Variants in ADCK1 observed in about 807,000 individuals in gnomAD.
ADCK1 encodes aarF domain containing kinase 1.
Under a neutral mutation model 52.3 loss-of-function variants are expected in ADCK1, and 41 were observed. The observed-to-expected ratio is 0.78, with a 90% CI of 0.61 to 1.02. The LOEUF (loss-of-function observed/expected upper bound fraction) is 1.02. ADCK1 is among the 50% of genes least tolerant of loss of function. ADCK1 has a pLI of 0.00. For missense variants in ADCK1, 658 were observed against 679.5 expected (o/e 0.97, Z 0.35); for synonymous variants, 250 against 274.6 (o/e 0.91, Z 0.89).
intron 7 of ADCK1, among the ~76,000 whole-genome samples, chr14:77,916,448 CTTCT>C (rs781601258): frequency 1.3e-5 from 2 of 152,044 alleles, no homozygotes; most frequent in South Asian, 2.1e-4. Flanking sequence ...CTCAGCATCT[CTTCT>C]TTCTATTTAT....
At chr14:77,877,172 G>A (rs1424256161) in intron 4 of ADCK1, among the ~76,000 whole-genome samples, 1 of 152,206 alleles carries the variant, frequency 6.6e-6, no homozygotes, top group East Asian at 1.9e-4. Flanking sequence ...CTGAGATCAT[G>A]CCACTGCACT....
Position 77,822,457 on chromosome 14 carries a change from A to G in ADCK1, c.158A>G (p.Tyr53Cys), listed in dbSNP as rs2140038560. ...CAGACGGCTGTCATCAGTTACGACT[A>G]CCTCACTTCCCTGAAGAGTGTCCCT... ...VATTAVISYDYLTSLKSVPYG... is the reference protein window; with the variant it reads ...VATTAVISYDCLTSLKSVPYG... The change falls in exon 3 of 11, where the codon TAC (tyrosine) becomes TGC (cysteine). Residue 53 changes from tyrosine to cysteine, a missense_variant. Tyr to Cys is a radical substitution (Grantham distance 194). Transcript: ENST00000238561. The G allele has an allele frequency of 6.2e-7, 1 of 1,614,098 alleles. No homozygotes were observed. Among genetic ancestry groups the G allele is most frequent in the East Asian group, 2.2e-5 (1 of 44,880 alleles).
At chr14:77,868,793 T>A (rs1394410323) in intron 4 of ADCK1, among the ~76,000 whole-genome samples, 1 of 152,100 alleles carries the variant, frequency 6.6e-6, no homozygotes, top group African/African-American at 2.4e-5. Flanking sequence ...AGAATACAGA[T>A]TTGTAGAGCA....
At chr14:77,844,976 G>A (rs10151830) in intron 3 of ADCK1, among the ~76,000 whole-genome samples, 42,373 of 152,052 alleles carry the variant, frequency 0.28, 7,041 homozygotes, top group African/African-American at 0.46. Context: ...CACAGTAACA[G>A]AGGAGAGGCG....
At chr14:77,832,942 T>G (rs2081888326) in intron 3 of ADCK1, among the ~76,000 whole-genome samples, 1 of 152,216 alleles carries the variant, frequency 6.6e-6, no homozygotes, top group African/African-American at 2.4e-5. Flanking sequence ...TCCATCCATC[T>G]ATTACATTAG....
At chr14:77,876,329 A>C in intron 4 of ADCK1, among the ~76,000 whole-genome samples, 1 of 151,688 alleles carries the variant, frequency 6.6e-6, no homozygotes, top group East Asian at 1.9e-4. Context: ...TTACCCTGTC[A>C]CCTCTGCATC....
At position 77,932,533 on chromosome 14, in the gene ADCK1, A is replaced by C. The variant is rs182633880; in HGVS notation, c.1401-687A>C. Among the ~76,000 whole-genome samples the C allele has an allele frequency of 2.6e-3, 392 of 152,316 alleles. 3 individuals carry two copies. The highest frequency in any genetic ancestry group is 4.3e-3 in the Non-Finnish European group (292 of 68,014). ...AAGAGAGAAAGCCTAGGTAATGCTC[A>C]ATTTCCAGCCCTTCCGTGCTGGGAA... On this transcript the variant is annotated intron_variant, in intron 10 of 10. Transcript: ENST00000238561.
intron 5 of ADCK1, among the ~76,000 whole-genome samples, chr14:77,887,826 C>T (rs528003208): frequency 6.6e-6 from 1 of 152,202 alleles, no homozygotes; most frequent in Non-Finnish European, 1.5e-5. Context: ...TGCTGAGCAG[C>T]CACTGCTTGA....
Position 77,822,512 on chromosome 14 carries a change from A to C in ADCK1, c.213A>C (p.Arg71Ser), listed in dbSNP as rs1031436348. The C allele has an allele frequency of 1.2e-6, 2 of 1,613,232 alleles. No homozygotes were observed. Among genetic ancestry groups the C allele is most frequent in the Middle Eastern group, 3.3e-4 (2 of 6,060 alleles). ...GCTCAGAGGAGTACTTGCAGCTGAGATCTAAGGTAAGTAACCCATGGGACC... is the reference window on the plus strand; with the variant it reads ...GCTCAGAGGAGTACTTGCAGCTGAGCTCTAAGGTAAGTAACCCATGGGACC... ...PYGSEEYLQL[R>S]SKVHLRSARR... The change falls in exon 3 of 11, where the codon AGA (arginine) becomes AGC (serine). Residue 71 changes from arginine (R) to serine (S), a missense_variant. Physicochemically the swap from Arg to Ser is moderately radical, Grantham distance 110 (BLOSUM62 -1). Transcript: ENST00000238561.
intron 5 of ADCK1, among the ~76,000 whole-genome samples, chr14:77,896,078 TTAATA>T (rs2083402962): frequency 6.6e-6 from 1 of 152,202 alleles, no homozygotes; most frequent in African/African-American, 2.4e-5. Flanking sequence ...TTAATATTAG[TTAATA>T]TAATAGACTG....
intron 3 of ADCK1, among the ~76,000 whole-genome samples, chr14:77,824,585 C>T (rs1025422242): frequency 8.6e-5 from 13 of 152,036 alleles, no homozygotes; most frequent in South Asian, 2.1e-4. Context: ...AGGCACGCAC[C>T]ACCACGCCTG....
At chr14:77,931,206 C>G (rs1595110224) in intron 9 of ADCK1, among the ~76,000 whole-genome samples, 1 of 152,206 alleles carries the variant, frequency 6.6e-6, no homozygotes, top group Non-Finnish European at 1.5e-5. Flanking sequence ...CCTTCCAGAC[C>G]TGATCTAAAA....
At chr14:77,895,563 C>A (rs1385685525) in intron 5 of ADCK1, among the ~76,000 whole-genome samples, 2 of 152,110 alleles carry the variant, frequency 1.3e-5, no homozygotes, top group Non-Finnish European at 2.9e-5. Flanking sequence ...GATAACAACA[C>A]CTGTTTTATT....
chr14:77,911,372 C>G (rs973600252), intron 7 of ADCK1, among the ~76,000 whole-genome samples: 1 of 152,154 alleles, frequency 6.6e-6, no homozygotes, highest in African/African-American at 2.4e-5. Flanking sequence ...TTGCAAAAAC[C>G]ACAATTCTTT....
At chr14:77,825,229 C>T (rs1448687721) in intron 3 of ADCK1, among the ~76,000 whole-genome samples, 1 of 152,222 alleles carries the variant, frequency 6.6e-6, no homozygotes, top group African/African-American at 2.4e-5. Flanking sequence ...GTATCTCTAG[C>T]GATGATGCGT....
At chr14:77,818,620 A>T (rs1029457368) in intron 1 of ADCK1, among the ~76,000 whole-genome samples, 4 of 152,074 alleles carry the variant, frequency 2.6e-5, no homozygotes, top group African/African-American at 9.7e-5. Flanking sequence ...ACCAGCTCTG[A>T]TATTCTATAG....
chr14:77,896,716 T>A (rs572475693), intron 5 of ADCK1, among the ~76,000 whole-genome samples: 1 of 152,360 alleles, frequency 6.6e-6, no homozygotes, highest in East Asian at 1.9e-4. Context: ...CAGGCCTCTC[T>A]GTTGCCCCCT....
intron 9 of ADCK1, among the ~76,000 whole-genome samples, chr14:77,931,236 C>T (rs2084324121): frequency 6.6e-6 from 1 of 152,196 alleles, no homozygotes; most frequent in Non-Finnish European, 1.5e-5. Flanking sequence ...GTGAAAAAGC[C>T]ATGGAGAATA....
chr14:77,802,814 C>T (rs781343186), intron 1 of ADCK1, among the ~76,000 whole-genome samples: 1 of 151,110 alleles, frequency 6.6e-6, no homozygotes, highest in African/African-American at 2.4e-5. Flanking sequence ...ATTAGCTGGG[C>T]GTGGTGCCGG....
Sources: allele counts gnomAD v4.1 joint callset (sites outside exome capture counted in the v4.1 genomes callset), GRCh38; gene constraint gnomAD v4.1.1; transcripts MANE v1.5; gene names NCBI Gene and HGNC (gene_info 2026-07-23, HGNC 2026-07-21).